Variants in MYO7B observed in about 807,000 individuals in gnomAD.
MYO7B encodes the protein myosin VIIB.
A neutral mutation model predicts 259.7 loss-of-function variants in MYO7B; 212 were observed. That is an observed-to-expected ratio of 0.82 (90% confidence interval 0.73 to 0.91). The LOEUF is 0.91. Ranked by LOEUF, MYO7B falls within the 40% of genes least tolerant of loss-of-function variation. The pLI is 0.00. For synonymous variants in MYO7B, 1,197 were observed against 1,166.4 expected (o/e 1.03, Z -0.54); for missense variants, 2,732 against 2,813.5 (o/e 0.97, Z 0.66).
rs139081291 is a variant in MYO7B, at chr2:127,585,938, T to C, written c.1690+1025T>C. ...ACTGGGTTGTCTTTTCATTGTCGAG[T>C]TGTAAGACTTCTTTATATATTCTGG... is the stretch of plus-strand genomic sequence containing the variant. On this transcript the variant is annotated intron_variant, in intron 14 of 47. Coordinates refer to ENST00000409816, the MANE Select transcript of MYO7B (RefSeq NM_001393586.1). This position sits in a 1 kb window ranked among gnomAD's most constrained non-coding sequence, Gnocchi z 4.3. Among the ~76,000 whole-genome samples, 1 of 152,358 alleles carries C rather than the reference T, an allele frequency of 6.6e-6. No homozygotes were observed. Among genetic ancestry groups the C allele is most frequent in the African/African-American group, 2.4e-5 (1 of 41,590 alleles).
At position 127,620,472 on chromosome 2, in the gene MYO7B, AG is replaced by A; in HGVS notation, c.3525+9del. ...CCTCAGAGAGGTTCATGAAGGTGAG[AG>A]GGTTCATGAAGGGAGGGCGGGCAGG... On this transcript the variant is annotated splice_region_variant and intron_variant, in intron 27 of 47. Coordinates refer to ENST00000409816, the MANE Select transcript of MYO7B (RefSeq NM_001393586.1). The A allele has an allele frequency of 1.5e-6, 1 of 665,972 alleles. No homozygotes were observed. The highest frequency in any genetic ancestry group is 6.4e-5 in the East Asian group (1 of 15,548). 41.3% of individuals were successfully genotyped at this position (665,972 alleles called of 1,614,324 possible). A position where few individuals can be genotyped will look rare whatever the true frequency, so the allele number is the denominator to read the frequency against.
intron 26 of MYO7B, among the ~76,000 whole-genome samples, chr2:127,619,515 G>C (rs966537609): frequency 1.3e-5 from 2 of 152,130 alleles, no homozygotes; most frequent in Non-Finnish European, 2.9e-5. Flanking sequence ...GTAGACCACA[G>C]AAAGAGGAGG....
rs1681447456 is a variant in MYO7B, at chr2:127,630,857, C to A, written c.4886C>A (p.Pro1629Gln). The A allele has an allele frequency of 6.2e-7, 1 of 1,611,436 alleles. No homozygotes were observed. Residue 1629 changes from proline (P) to glutamine (Q), a missense_variant, in exon 36 of 48, where the codon CCA becomes CAA. Physicochemically the swap from Pro to Gln is moderately conservative, Grantham distance 76. Coordinates refer to ENST00000409816, the MANE Select transcript of MYO7B (RefSeq NM_001393586.1). The part of the protein sequence containing the change: ...GQFTEPRPEE[P>Q]PKEKLHTLEE... ...TTCACAGAGCCACGTCCTGAGGAGCCACCCAAGGAAAAGCTGCACACCCTG... is the reference window on the plus strand; with the variant it reads ...TTCACAGAGCCACGTCCTGAGGAGCAACCCAAGGAAAAGCTGCACACCCTG...
chr2:127,624,053 G>C, intron 29 of MYO7B, 40 bp from the exon 30 acceptor site: 1 of 1,516,816 alleles, frequency 6.6e-7, no homozygotes, highest in Non-Finnish European at 8.9e-7. Flanking sequence ...GGTGGGGCAT[G>C]CAACAGCCGC....
At chr2:127,587,275 T>C (rs569839628) in intron 14 of MYO7B, among the ~76,000 whole-genome samples, 70 of 152,286 alleles carry the variant, frequency 4.6e-4, no homozygotes, top group African/African-American at 1.6e-3. Flanking sequence ...GCTAGGCCAT[T>C]CTTACTCATG....
Position 127,628,505 on chromosome 2 carries a change from G to C in MYO7B, c.4594G>C (p.Ala1532Pro). 6.8e-7 allele frequency: 1 copy of C among 1,462,572 alleles called. No homozygotes were observed. The highest frequency in any genetic ancestry group is 9.1e-7 in the Non-Finnish European group (1 of 1,104,382). The allele number at this position is 1,462,572 out of a possible 1,614,324, so 90.6% of individuals were successfully genotyped here. The change falls in exon 34 of 48, where the codon GCC becomes CCC. Residue 1532 changes from alanine (A) to proline (P), a missense_variant. This residue lies in a region of MYO7B where 1,906 missense variants were observed against 2,026.4 expected (regional missense o/e 0.94). Transcript: ENST00000409816. This position sits in a 1 kb window ranked among gnomAD's most constrained non-coding sequence, Gnocchi z 4.8. ...LEGLKERSIFAMALQDRKATD... is the reference protein window; with the variant it reads ...LEGLKERSIFPMALQDRKATD... Reference sequence around the variant, plus strand: ...GGGCCTGAAGGAGAGGTCCATTTTCGCCATGGCCCTGCAGGACAGGAAGGC... The same window carrying C: ...GGGCCTGAAGGAGAGGTCCATTTTCCCCATGGCCCTGCAGGACAGGAAGGC...
Position 127,636,050 on chromosome 2 carries a change from G to A in MYO7B, c.6006+143G>A, listed in dbSNP as rs930100177. ...GGTGGGCTGGCTCTGCACACACCACGCCTTCCTATGCCATCCACAGCACCG... is the reference window on the plus strand; with the variant it reads ...GGTGGGCTGGCTCTGCACACACCACACCTTCCTATGCCATCCACAGCACCG... On this transcript the variant is annotated intron_variant, in intron 44 of 47. Coordinates refer to ENST00000409816, the MANE Select transcript of MYO7B (RefSeq NM_001393586.1). The surrounding 1 kb of genome is among the most constrained non-coding windows in gnomAD (Gnocchi z 4.5). 1.3e-4 allele frequency: 143 copies of A among 1,079,482 alleles called. No homozygotes were observed. Among genetic ancestry groups the A allele is most frequent in the East Asian group, 1.3e-4 (5 of 38,504 alleles). 66.9% of individuals were successfully genotyped at this position (1,079,482 alleles called of 1,614,324 possible). A position where few individuals can be genotyped will look rare whatever the true frequency, so the allele number is the denominator to read the frequency against.
At position 127,586,928 on chromosome 2, in the gene MYO7B, G is replaced by A. The variant is rs540957625; in HGVS notation, c.1691-1464G>A. On this transcript the variant is annotated intron_variant, in intron 14 of 47. Transcript: ENST00000409816. The surrounding 1 kb of genome is among the most constrained non-coding windows in gnomAD (Gnocchi z 4.8). ...AGCCTCAGGGGTGCAAGGTGTCACC[G>A]AGTGTCCACCCCCTGCCCAGCACCC... is the stretch of plus-strand genomic sequence containing the variant. Among the ~76,000 whole-genome samples, 6 of 152,134 alleles carry A rather than the reference G, an allele frequency of 3.9e-5. No homozygotes were observed. Among genetic ancestry groups the A allele is most frequent in the Admixed American group, 1.3e-4 (2 of 15,282 alleles).
chr2:127,605,770 A>G, intron 19 of MYO7B, 74 bp from the exon 20 acceptor site: 1 of 1,343,172 alleles, frequency 7.4e-7, no homozygotes, highest in South Asian at 1.2e-5. Context: ...TCCCTTCCAA[A>G]CCAGTTTTTC....
chr2:127,558,454 TA>T (rs1677919425), intron 1 of MYO7B, among the ~76,000 whole-genome samples: 2 of 152,302 alleles, frequency 1.3e-5, no homozygotes, highest in African/African-American at 4.8e-5. Context: ...CTTAAAGAAC[TA>T]AAAGTAGAAC....
rs1243493081 is a variant in MYO7B at position 127,592,398 on chromosome 2, AAAAT to A, written c.1993-384_1993-381del. Among the ~76,000 whole-genome samples the A allele has an allele frequency of 5.3e-5, 8 of 152,332 alleles. No individual in the cohort carries two copies. The South Asian group carries it at 1.5e-3, about 28-fold the overall frequency. On this transcript the variant is annotated intron_variant, in intron 16 of 47. Coordinates refer to ENST00000409816, the MANE Select transcript of MYO7B (RefSeq NM_001393586.1). ...CGACAGAACGAGACTCCATCTCAAA[AAAAT>A]AAATAAATAAAATTTAAAAAATTTT...
chr2:127,593,277 G>T (rs1412860038), intron 17 of MYO7B, among the ~76,000 whole-genome samples: 2 of 152,234 alleles, frequency 1.3e-5, no homozygotes, highest in African/African-American at 4.8e-5. Context: ...GGGGCCCGAG[G>T]TTCTTCCTGT....
chr2:127,637,368 C>T lies in MYO7B; in HGVS notation c.6380C>T (p.Ala2127Val). The change falls in exon 48 of 48, where the codon GCC becomes GTC. Residue 2127 changes from alanine to valine, a missense_variant. Ala to Val is a moderately conservative substitution (Grantham distance 64). Around this residue, in one of 3 missense-constraint regions of MYO7B, gnomAD observed 821 missense variants for 769.3 expected, o/e 1.07. Coordinates refer to ENST00000409816, the MANE Select transcript of MYO7B (RefSeq NM_001393586.1). ...LTSYVQQLLS[A>V]MNKQRGSKAP... ...TCATATGTGCAGCAGCTCCTGAGTG[C>T]CATGAACAAGCAGCGGGGCTCCAAG... 1 of 1,589,170 alleles carries T rather than the reference C, an allele frequency of 6.3e-7. No individual in the cohort carries two copies.
intron 1 of MYO7B, among the ~76,000 whole-genome samples, chr2:127,538,631 T>G (rs754977443): frequency 1.3e-4 from 19 of 151,932 alleles, no homozygotes; most frequent in Non-Finnish European, 2.2e-4. Context: ...AATGGCATGA[T>G]CTCGGCTCAC....
At chr2:127,544,102 A>T (rs944371409) in intron 1 of MYO7B, among the ~76,000 whole-genome samples, 7 of 151,902 alleles carry the variant, frequency 4.6e-5, no homozygotes, top group Non-Finnish European at 1.0e-4. Context: ...TTAGTGATGG[A>T]GTCTTGCTCT....
At chr2:127,588,311 C>A (rs1558818852) in intron 14 of MYO7B, 81 bp from the exon 15 acceptor site, 1 of 1,508,692 alleles carries the variant, frequency 6.6e-7, no homozygotes, top group Non-Finnish European at 9.0e-7. Flanking sequence ...ATCCTGTATT[C>A]CCCCACACTG....
chr2:127,555,700 TGGTTTTGGA>T (rs1036674327), intron 1 of MYO7B, among the ~76,000 whole-genome samples: 26 of 152,358 alleles, frequency 1.7e-4, no homozygotes, highest in South Asian at 1.2e-3. Context: ...TGTATTTGCA[TGGTTTTGGA>T]GGTTCCTTTT....
chr2:127,561,120 C>G (rs902606337), intron 2 of MYO7B, among the ~76,000 whole-genome samples: 8 of 152,060 alleles, frequency 5.3e-5, no homozygotes, highest in African/African-American at 1.9e-4. Context: ...AGGAATATGC[C>G]ACGGGATGCA....
chr2:127,635,509 C>T (rs1382499843), intron 43 of MYO7B: 2 of 651,610 alleles, frequency 3.1e-6, no homozygotes, highest in Non-Finnish European at 5.2e-6. Flanking sequence ...GGGCCAACCA[C>T]ATGGGTGGAG....
Sources: gnomAD v4.1 joint callset for allele counts (sites outside exome capture counted in the v4.1 genomes callset) on GRCh38, gnomAD v4.1.1 for gene constraint, gnomAD v4.1.1 regional missense constraint, Gnocchi (gnomAD v3.1) non-coding constraint, MANE v1.5 for transcripts, NCBI Gene and HGNC (gene_info 2026-07-23, HGNC 2026-07-21) for gene names.